The following CELF2 variants were observed in gnomAD, a reference collection of about 807,000 sequenced individuals.
The protein encoded by CELF2 is CUG triplet repeat RNA-binding protein 2.
CELF2 carries 8 observed loss-of-function variants against 62.6 expected under a neutral mutation model. That is an observed-to-expected ratio of 0.13 (90% CI 0.07 to 0.23). The LOEUF (loss-of-function observed/expected upper bound fraction) is 0.23. CELF2 is among the 10% of genes least tolerant of loss of function. The pLI, the probability that CELF2 is intolerant of heterozygous loss-of-function variation, is 1.00. For missense variants in CELF2, 333 were observed against 671.0 expected, an observed-to-expected ratio of 0.50 and a Z score of 5.56; for synonymous variants, 258 against 250.0, an observed-to-expected ratio of 1.03 and a Z score of -0.30.
the CELF2 span, among the ~76,000 whole-genome samples, chr10:10,518,881 A>G: frequency 2.0e-5 from 3 of 152,204 alleles, no homozygotes; most frequent in African/African-American, 7.2e-5. Flanking sequence ...GGGACAGCAC[A>G]TTGCTGGGAG....
the CELF2 span, among the ~76,000 whole-genome samples, chr10:10,681,067 G>A: frequency 1.1e-3 from 165 of 152,112 alleles, no homozygotes; most frequent in Non-Finnish European, 1.7e-3. Context: ...TTGAATTAAT[G>A]ATCTAGATAT....
intron 1 of CELF2, among the ~76,000 whole-genome samples, chr10:11,037,635 C>T (rs560134239): frequency 6.6e-6 from 1 of 152,096 alleles, no homozygotes; most frequent in Non-Finnish European, 1.5e-5. Context: ...GTGTAACAAA[C>T]CCCACTAAGG....
At chr10:10,941,759 T>G (rs908341880) in intron 2 of CELF2, among the ~76,000 whole-genome samples, 37 of 152,136 alleles carry the variant, frequency 2.4e-4, no homozygotes, top group Non-Finnish European at 4.9e-4. Context: ...ATTGGGAGAC[T>G]GAGGTGGTTG....
chr10:10,639,177 G>T, the CELF2 span, among the ~76,000 whole-genome samples: 2 of 152,176 alleles, frequency 1.3e-5, no homozygotes, highest in Non-Finnish European at 2.9e-5. Flanking sequence ...TTGTGTGATT[G>T]GCACTGACAT....
chr10:10,557,575 G>A, the CELF2 span, among the ~76,000 whole-genome samples: 3 of 151,514 alleles, frequency 2.0e-5, no homozygotes, highest in Non-Finnish European at 4.4e-5. Flanking sequence ...GTGAAGAAAG[G>A]CATTGGTAGC....
At chr10:11,020,275 T>TAA (rs2058090040) in intron 1 of CELF2, among the ~76,000 whole-genome samples, 1 of 152,176 alleles carries the variant, frequency 6.6e-6, no homozygotes, top group African/African-American at 2.4e-5. Context: ...TTAATTGAAC[T>TAA]AAGGGAAGAA....
At chr10:10,544,252 G>T in the CELF2 span, among the ~76,000 whole-genome samples, 3 of 152,214 alleles carry the variant, frequency 2.0e-5, no homozygotes, top group African/African-American at 7.2e-5. Context: ...AAGGCATGGA[G>T]TGGTTTGCCA....
chr10:11,036,910 T>C (rs142699298), intron 1 of CELF2, among the ~76,000 whole-genome samples: 35 of 152,346 alleles, frequency 2.3e-4, no homozygotes, highest in African/African-American at 8.4e-4. Flanking sequence ...TGATGCTTTT[T>C]CTGATTATCC....
chr10:10,555,281 C>CTTT, the CELF2 span, among the ~76,000 whole-genome samples: 27,367 of 145,926 alleles, frequency 0.19, 2,931 homozygotes, highest in East Asian at 0.33. Context: ...GCCAGAAAGT[C>CTTT]TTTTTTTTTT....
chr10:10,528,156 G>GTT, the CELF2 span, among the ~76,000 whole-genome samples: 18 of 109,958 alleles, frequency 1.6e-4, no homozygotes, highest in East Asian at 1.7e-3. Flanking sequence ...ATAGATTCCT[G>GTT]TTTTGTGTGT....
chr10:10,692,305 G>T, the CELF2 span, among the ~76,000 whole-genome samples: 2 of 151,736 alleles, frequency 1.3e-5, no homozygotes, highest in Middle Eastern at 3.2e-3. Flanking sequence ...GTTTCTCAAA[G>T]ATCAGATAGT....
At chr10:10,483,900 ATC>A in the CELF2 span, among the ~76,000 whole-genome samples, 5 of 131,998 alleles carry the variant, frequency 3.8e-5, no homozygotes, top group African/African-American at 5.8e-5. Flanking sequence ...TCTCTCTCTC[ATC>A]TCTCTGTGTC....
chr10:10,619,086 T>A, the CELF2 span, among the ~76,000 whole-genome samples: 1 of 152,238 alleles, frequency 6.6e-6, no homozygotes, highest in South Asian at 2.1e-4. Context: ...AACTTCCATG[T>A]TGAACATGCC....
the CELF2 span, among the ~76,000 whole-genome samples, chr10:10,614,124 G>A: frequency 3.3e-5 from 5 of 152,146 alleles, no homozygotes; most frequent in African/African-American, 7.2e-5. Flanking sequence ...GTGCAAAGGA[G>A]ACTGGGCTTG....
intron 1 of CELF2, among the ~76,000 whole-genome samples, chr10:11,029,680 C>T (rs1299479178): frequency 6.6e-6 from 1 of 152,174 alleles, no homozygotes; most frequent in Non-Finnish European, 1.5e-5. Context: ...TGCTGAGATT[C>T]TTGGGAAGGG....
rs2052838923 is a variant in CELF2, at chr10:10,987,007, G to A, written c.89+67008G>A. 1.3e-5 allele frequency among the ~76,000 whole-genome samples: 2 copies of A among 152,190 alleles called. 1 individual carries two copies. Among genetic ancestry groups the A allele is most frequent in the South Asian group, 4.1e-4 (2 of 4,832 alleles). On this transcript the variant is annotated intron_variant, in intron 2 of 13. Transcript: ENST00000636488. ...AACTGTTTATTTTATGGGAAGAAAA[G>A]TCATCAAGAGATTTATCCGAAAGTC... is the stretch of plus-strand genomic sequence containing the variant.
the CELF2 span, among the ~76,000 whole-genome samples, chr10:10,470,096 T>TTCCAAAATCTTTTAGAAA: frequency 6.6e-6 from 1 of 151,912 alleles, no homozygotes; most frequent in Non-Finnish European, 1.5e-5. Context: ...AAACATTGTA[T>TTCCAAAATCTTTTAGAAA]TCCAAAATCT....
At chr10:10,739,154 G>A in the CELF2 span, among the ~76,000 whole-genome samples, 2 of 151,994 alleles carry the variant, frequency 1.3e-5, no homozygotes, top group East Asian at 3.8e-4. Flanking sequence ...TAACAAAAAT[G>A]ATATATGTTT....
intron 1 of CELF2, among the ~76,000 whole-genome samples, chr10:10,849,150 A>C (rs1281250685): frequency 6.6e-6 from 1 of 151,818 alleles, no homozygotes; most frequent in East Asian, 1.9e-4. Flanking sequence ...TAATTCCAGC[A>C]CTTTGGAAGG....
Sources: gnomAD v4.1 joint callset for allele counts (sites outside exome capture counted in the v4.1 genomes callset) on GRCh38, gnomAD v4.1.1 for gene constraint, MANE v1.5 for transcripts, NCBI Gene and HGNC (gene_info 2026-07-23, HGNC 2026-07-21) for gene names.